CAMTA1: variants seen among roughly 807,000 people sequenced by gnomAD.
CAMTA1 encodes the protein calmodulin-binding transcription activator 1.
In CAMTA1, 27 loss-of-function variants were observed where a neutral mutation model predicts 170.9. The ratio of observed to expected loss-of-function variants is 0.16; its 90% confidence interval spans 0.12 to 0.22. CAMTA1 has a LOEUF of 0.22. CAMTA1 is among the 10% of genes least tolerant of loss of function. CAMTA1 has a pLI of 1.00. For missense variants in CAMTA1, 1,619 were observed against 2,217.2 expected (o/e 0.73, Z 5.42); for synonymous variants, 833 against 891.5 (o/e 0.93, Z 1.17).
intron 6 of CAMTA1, among the ~76,000 whole-genome samples, chr1:7,528,168 T>A (rs2094451072): frequency 6.6e-6 from 1 of 152,204 alleles, no homozygotes; most frequent in Non-Finnish European, 1.5e-5. Context: ...CAGACTGATC[T>A]TGTTCCTGAG....
intron 3 of CAMTA1, among the ~76,000 whole-genome samples, chr1:6,932,080 A>G (rs1328661411): frequency 6.6e-6 from 1 of 152,242 alleles, no homozygotes; most frequent in Non-Finnish European, 1.5e-5. Flanking sequence ...TTTAAAATGT[A>G]CAACTCAGTG....
At chr1:7,568,270 CCATCATCATCAT>C (rs1223091855) in intron 6 of CAMTA1, among the ~76,000 whole-genome samples, 16 of 132,878 alleles carry the variant, frequency 1.2e-4, no homozygotes, top group African/African-American at 5.8e-4. Flanking sequence ...CACCAAATCA[CCATCATCATCAT>C]CATCATCACC....
rs2095768874 is a variant in CAMTA1, at chr1:7,642,321, C to T, written c.664+1768C>T. Among the ~76,000 whole-genome samples, 1 of 152,174 alleles carries T rather than the reference C, an allele frequency of 6.6e-6. No individual in the cohort carries two copies. Among genetic ancestry groups the T allele is most frequent in the Non-Finnish European group, 1.5e-5 (1 of 68,014 alleles). On this transcript the variant is annotated intron_variant, in intron 7 of 22. Transcript: ENST00000303635. The surrounding 1 kb of genome is among the most constrained non-coding windows in gnomAD (Gnocchi z 6.3). ...GGTGTGCACAAGGCCCTGGAAATAG[C>T]CCTGGAATGGTGGGGGGGAAGGGAC...
intron 5 of CAMTA1, among the ~76,000 whole-genome samples, chr1:7,462,854 A>G (rs1725231): frequency 0.8 from 120,894 of 152,020 alleles, 48,904 homozygotes; most frequent in African/African-American, 0.95. Context: ...GTGAGGCTGC[A>G]GAGGTGAAGA....
chr1:7,079,560 C>A (rs531541352), intron 3 of CAMTA1, among the ~76,000 whole-genome samples: 1 of 152,216 alleles, frequency 6.6e-6, no homozygotes, highest in East Asian at 1.9e-4. Context: ...CAACCTCCAC[C>A]TCCCAGGTTC....
intron 6 of CAMTA1, among the ~76,000 whole-genome samples, chr1:7,602,008 GGGA>G (rs1199464903): frequency 3.1e-4 from 42 of 135,272 alleles, no homozygotes; most frequent in Middle Eastern, 3.7e-3. Flanking sequence ...GAGAGGGAGA[GGGA>G]GAGGGAGAGG....
intron 5 of CAMTA1, among the ~76,000 whole-genome samples, chr1:7,366,097 G>A (rs1557596917): frequency 2.0e-5 from 3 of 152,322 alleles, no homozygotes; most frequent in East Asian, 3.9e-4. Flanking sequence ...CTTGGCACAG[G>A]GACTGGCATG....
intron 3 of CAMTA1, among the ~76,000 whole-genome samples, chr1:6,938,673 T>C (rs1217634985): frequency 6.6e-6 from 1 of 152,206 alleles, no homozygotes; most frequent in Non-Finnish European, 1.5e-5. Flanking sequence ...AAGTGGTTCA[T>C]ACTCTGATCT....
At chr1:7,346,671 T>C (rs972607422) in intron 5 of CAMTA1, among the ~76,000 whole-genome samples, 3 of 152,116 alleles carry the variant, frequency 2.0e-5, no homozygotes, top group Non-Finnish European at 2.9e-5. Flanking sequence ...AGAAGCAGGG[T>C]AGGCTTAATC....
chr1:7,739,987 AC>A (rs2096799695), intron 16 of CAMTA1, among the ~76,000 whole-genome samples: 1 of 152,048 alleles, frequency 6.6e-6, no homozygotes, highest in Admixed American at 6.5e-5. Context: ...TATGGGAGCT[AC>A]AGTTCAACAT....
At chr1:6,801,737 C>T (rs1643870683) in intron 1 of CAMTA1, among the ~76,000 whole-genome samples, 1 of 151,144 alleles carries the variant, frequency 6.6e-6, no homozygotes, top group South Asian at 2.1e-4. Flanking sequence ...AATGTCCTAA[C>T]AGTAAATATA....
intron 5 of CAMTA1, among the ~76,000 whole-genome samples, chr1:7,351,259 G>A (rs1418289879): frequency 3.3e-5 from 5 of 152,234 alleles, no homozygotes; most frequent in East Asian, 1.9e-4. Context: ...CGGGGACTGC[G>A]CAGAGCTAGT....
rs1475418774 is a variant in CAMTA1, at chr1:7,064,360, A to T, written c.235-26944A>T. On this transcript the variant is annotated intron_variant, in intron 3 of 22. Coordinates refer to ENST00000303635, the MANE Select transcript of CAMTA1 (RefSeq NM_015215.4). This position sits in a 1 kb window ranked among gnomAD's most constrained non-coding sequence, Gnocchi z 5.4. ...TACCTTCATGACTTGTCTCATATTA[A>T]TTAGCTTCTGAAGATCTCACCTCCA... Among the ~76,000 whole-genome samples the T allele has an allele frequency of 6.6e-6, 1 of 152,168 alleles. No individual in the cohort carries two copies. The highest frequency in any genetic ancestry group is 1.5e-5 in the Non-Finnish European group (1 of 68,044).
rs200112989 is a variant in CAMTA1 at position 7,029,229 on chromosome 1, C to T, written c.235-62075C>T. Among the ~76,000 whole-genome samples, 1,019 of 151,944 alleles carry T rather than the reference C, an allele frequency of 6.7e-3. 5 individuals carry two copies. The highest frequency in any genetic ancestry group is 0.01 in the Non-Finnish European group (704 of 67,930). On this transcript the variant is annotated intron_variant, in intron 3 of 22. Coordinates refer to ENST00000303635, the MANE Select transcript of CAMTA1 (RefSeq NM_015215.4). The stretch of plus-strand genomic sequence containing the variant: ...ATAAAATCAAGGGCTCGGCTGGGCA[C>T]GCTGGCTCACGCCTGTAATCCCAGC...
intron 4 of CAMTA1, among the ~76,000 whole-genome samples, chr1:7,104,305 C>T (rs1354400561): frequency 6.6e-6 from 1 of 152,070 alleles, no homozygotes; most frequent in Non-Finnish European, 1.5e-5. Flanking sequence ...ACAATGCATG[C>T]ATGCAGCACA....
intron 11 of CAMTA1, among the ~76,000 whole-genome samples, chr1:7,721,084 C>G (rs1160312867): frequency 6.6e-6 from 1 of 152,230 alleles, no homozygotes; most frequent in Non-Finnish European, 1.5e-5. Flanking sequence ...CACTCACTTT[C>G]TGAATGGTGC....
At chr1:7,004,373 G>C (rs1698674557) in intron 3 of CAMTA1, among the ~76,000 whole-genome samples, 1 of 152,186 alleles carries the variant, frequency 6.6e-6, no homozygotes, top group African/African-American at 2.4e-5. Flanking sequence ...GGGTTATGAA[G>C]AGGAGGCAGC....
intron 3 of CAMTA1, among the ~76,000 whole-genome samples, chr1:6,897,571 A>G (rs1264044718): frequency 2.0e-5 from 3 of 152,236 alleles, no homozygotes; most frequent in Non-Finnish European, 4.4e-5. Flanking sequence ...TGTTCTAAAC[A>G]TCTCCCTTTA....
At chr1:7,177,699 C>T (rs1026464491) in intron 4 of CAMTA1, among the ~76,000 whole-genome samples, 4 of 151,040 alleles carry the variant, frequency 2.6e-5, no homozygotes, top group Non-Finnish European at 5.9e-5. Context: ...AGTACCCCTC[C>T]CCACACACAG....
Sources: allele counts gnomAD v4.1 joint callset (sites outside exome capture counted in the v4.1 genomes callset), GRCh38; gene constraint gnomAD v4.1.1; non-coding constraint Gnocchi (gnomAD v3.1); transcripts MANE v1.5; gene names NCBI Gene and HGNC (gene_info 2026-07-23, HGNC 2026-07-21).